The following EPHB1 variants were observed in gnomAD, a reference collection of about 807,000 sequenced individuals.
The protein encoded by EPHB1 is EPH receptor B1, also known as ephrin type-B receptor 1.
A neutral mutation model predicts 94.4 loss-of-function variants in EPHB1; 30 were observed. That is an observed-to-expected ratio of 0.32 (90% CI 0.24 to 0.43). The LOEUF (loss-of-function observed/expected upper bound fraction) is 0.43. Among genes scored for constraint, EPHB1 ranks in the 20% least tolerant of loss-of-function variants. The pLI, the probability that EPHB1 is intolerant of heterozygous loss-of-function variation, is 1.00. For missense variants in EPHB1, 1,055 were observed against 1,308.3 expected, an observed-to-expected ratio of 0.81 and a Z score of 2.99; for synonymous variants, 522 against 489.1, an observed-to-expected ratio of 1.07 and a Z score of -0.89.
intron 3 of EPHB1, among the ~76,000 whole-genome samples, chr3:134,972,533 ATATATATTATTATATATTATAAATATAT>A (rs1291630232): frequency 6.9e-5 from 10 of 144,204 alleles, no homozygotes; most frequent in African/African-American, 2.0e-4. Flanking sequence ...TTTATTATAA[ATATATATTATTATATATTATAAATATAT>A]TATATATTAA....
At chr3:135,008,753 G>A (rs536932342) in intron 3 of EPHB1, among the ~76,000 whole-genome samples, 6 of 152,322 alleles carry the variant, frequency 3.9e-5, no homozygotes, top group South Asian at 2.1e-4. Flanking sequence ...GGGGCCATCC[G>A]AGAGAAGAGC....
chr3:134,827,363 GCACACACACACACA>G (rs61002729), intron 1 of EPHB1, among the ~76,000 whole-genome samples: 1 of 150,770 alleles, frequency 6.6e-6, no homozygotes, highest in Non-Finnish European at 1.5e-5. Flanking sequence ...GGGTGCGCGT[GCACACACACACACA>G]CACACACACA....
intron 3 of EPHB1, among the ~76,000 whole-genome samples, chr3:135,034,982 G>A (rs576925028): frequency 7.2e-5 from 11 of 152,324 alleles, no homozygotes; most frequent in Admixed American, 1.3e-4. Flanking sequence ...TATGAAAGGC[G>A]GAGAAGAAAG....
chr3:134,821,882 G>A (rs192529510), intron 1 of EPHB1, among the ~76,000 whole-genome samples: 90 of 152,266 alleles, frequency 5.9e-4, no homozygotes, highest in African/African-American at 2.1e-3. Context: ...GTCTAGTTGT[G>A]GGGGAAAAGA....
In EPHB1 at chr3:134,974,856, G is replaced by A. The variant is rs368957303; in HGVS notation, c.805+22804G>A. Among the ~76,000 whole-genome samples the A allele has an allele frequency of 8.6e-5, 13 of 151,368 alleles. No individual in the cohort carries two copies. The South Asian group carries it at 1.3e-3, about 15-fold the overall frequency. ...GGCAGCATTTTCCTGTTTCCAGCACGGGAGGGGCTCTCAGCACACCCTTCC... is the reference window on the plus strand; with the variant it reads ...GGCAGCATTTTCCTGTTTCCAGCACAGGAGGGGCTCTCAGCACACCCTTCC... On this transcript the variant is annotated intron_variant, in intron 3 of 15. Coordinates refer to ENST00000398015, the MANE Select transcript of EPHB1 (RefSeq NM_004441.5).
At chr3:134,988,659 T>A (rs1289066752) in intron 3 of EPHB1, among the ~76,000 whole-genome samples, 1 of 152,208 alleles carries the variant, frequency 6.6e-6, no homozygotes, top group Non-Finnish European at 1.5e-5. Context: ...AGTATTCAGG[T>A]AACCCTATCA....
chr3:135,073,123 A>G (rs1576362849), intron 3 of EPHB1, among the ~76,000 whole-genome samples: 2 of 117,224 alleles, frequency 1.7e-5, no homozygotes. Context: ...ATGAAAAATC[A>G]TTGTATGATT....
rs559866113 is a variant in EPHB1 at position 134,916,494 on chromosome 3, G to A, written c.59-9322G>A. 1.1e-4 allele frequency among the ~76,000 whole-genome samples: 16 copies of A among 152,348 alleles called. 1 individual carries two copies. The highest frequency in any genetic ancestry group is 8.3e-4 in the South Asian group (4 of 4,826). On this transcript the variant is annotated intron_variant, in intron 1 of 15. Transcript: ENST00000398015. Reference sequence around the variant, plus strand: ...TTAGGCATGGCGGGCTGCAGGTCCCGAGCCTTGCCCCGTGCAGAGGCAGCT... The same window carrying A: ...TTAGGCATGGCGGGCTGCAGGTCCCAAGCCTTGCCCCGTGCAGAGGCAGCT...
intron 1 of EPHB1, among the ~76,000 whole-genome samples, chr3:134,903,316 A>C (rs1227645356): frequency 1.3e-5 from 2 of 152,138 alleles, no homozygotes; most frequent in African/African-American, 4.8e-5. Context: ...CATCCCCTGA[A>C]GCTTTAGGGT....
intron 3 of EPHB1, among the ~76,000 whole-genome samples, chr3:135,025,104 TCC>T (rs1936106914): frequency 1.1e-5 from 1 of 91,318 alleles, no homozygotes; most frequent in Non-Finnish European, 2.4e-5. Context: ...CTTCCTTCCC[TCC>T]CTCCCTCCCT....
At position 135,068,205 on chromosome 3, in the gene EPHB1, C is replaced by T. The variant is rs368791795; in HGVS notation, c.806-38243C>T. The stretch of plus-strand genomic sequence containing the variant: ...GCTCTGTCTGTCCAAGACAGAGCTG[C>T]GATCTAGCCCTGCCTCCCATCTGCC... On this transcript the variant is annotated intron_variant, in intron 3 of 15. Transcript: ENST00000398015. Among the ~76,000 whole-genome samples the T allele has an allele frequency of 7.2e-5, 11 of 152,146 alleles. No homozygotes were observed. The East Asian group carries it at 1.4e-3, about 19-fold the overall frequency.
At chr3:134,950,567 A>G (rs1932986451) in intron 2 of EPHB1, among the ~76,000 whole-genome samples, 1 of 152,194 alleles carries the variant, frequency 6.6e-6, no homozygotes, top group Non-Finnish European at 1.5e-5. Context: ...GCTTCCACTC[A>G]TGGCAGGCCA....
chr3:135,173,322 C>A (rs1023092211), intron 9 of EPHB1, among the ~76,000 whole-genome samples: 12 of 152,312 alleles, frequency 7.9e-5, no homozygotes, highest in Admixed American at 4.6e-4. Context: ...GCGTGAGCCA[C>A]CGCGCCCGGC....
intron 3 of EPHB1, among the ~76,000 whole-genome samples, chr3:135,062,206 C>T (rs1452338489): frequency 6.6e-6 from 1 of 152,116 alleles, no homozygotes; most frequent in Admixed American, 6.6e-5. Flanking sequence ...GGTAGATATC[C>T]AGTAGTGGGA....
chr3:135,059,340 A>G (rs180828260), intron 3 of EPHB1, among the ~76,000 whole-genome samples: 20 of 152,348 alleles, frequency 1.3e-4, no homozygotes, highest in Non-Finnish European at 2.1e-4. Flanking sequence ...GTTATCTGGA[A>G]TATTATGACA....
rs34221950 is a variant in EPHB1 at position 134,952,391 on chromosome 3, T to TCACA, written c.805+351_805+354dup. ...CTCTCTCACACACACACACACACACTCACACACACACACACCCCTATATCC... is the reference window on the plus strand; with the variant it reads ...CTCTCTCACACACACACACACACACTCACACACACACACACACACCCCTATATCC... On this transcript the variant is annotated intron_variant, in intron 3 of 15. Transcript: ENST00000398015. 4.2e-3 allele frequency among the ~76,000 whole-genome samples: 615 copies of TCACA among 147,910 alleles called. 3 individuals are homozygous for TCACA. Among genetic ancestry groups the TCACA allele is most frequent in the African/African-American group, 0.014 (572 of 39,640 alleles).
chr3:134,924,582 C>A (rs1162633335), intron 1 of EPHB1, among the ~76,000 whole-genome samples: 1 of 152,122 alleles, frequency 6.6e-6, no homozygotes, highest in Non-Finnish European at 1.5e-5. Context: ...AAACAAATGA[C>A]CATGCCAAGT....
intron 1 of EPHB1, among the ~76,000 whole-genome samples, chr3:134,915,141 C>T (rs1345026661): frequency 6.6e-6 from 1 of 152,154 alleles, no homozygotes; most frequent in Non-Finnish European, 1.5e-5. Flanking sequence ...TTCCCAGTGT[C>T]CTAACCCTCT....
chr3:134,848,708 A>G (rs934046195), intron 1 of EPHB1, among the ~76,000 whole-genome samples: 3 of 152,342 alleles, frequency 2.0e-5, no homozygotes, highest in Non-Finnish European at 4.4e-5. Flanking sequence ...TGTAGTTGGT[A>G]GGCAGTCTTC....
Sources: allele counts gnomAD v4.1 joint callset (sites outside exome capture counted in the v4.1 genomes callset), GRCh38; gene constraint gnomAD v4.1.1; transcripts MANE v1.5; gene names NCBI Gene and HGNC (gene_info 2026-07-23, HGNC 2026-07-21).